The following KMT2B variants were observed in gnomAD, a reference collection of about 807,000 sequenced individuals.
The protein encoded by KMT2B is lysine methyltransferase 2B, also known as histone-lysine N-methyltransferase 2B.
KMT2B carries 22 observed loss-of-function variants against 255.3 expected under a neutral mutation model. The ratio of observed to expected loss-of-function variants is 0.09; its 90% CI spans 0.06 to 0.12. The LOEUF (loss-of-function observed/expected upper bound fraction) is 0.12, where lower values mean the gene tolerates loss of function less well. Among genes scored for constraint, KMT2B ranks in the 10% least tolerant of loss-of-function variants. The pLI is 1.00. For synonymous variants in KMT2B, 1,730 were observed against 1,498.1 expected (o/e 1.15, Z -3.57); for missense variants, 3,149 against 3,737.0 (o/e 0.84, Z 4.10).
At position 35,726,223 on chromosome 19, in the gene KMT2B, C is replaced by T. The variant is rs768714754; in HGVS notation, c.3886-13C>T. 20 of 1,607,280 alleles carry T rather than the reference C, an allele frequency of 1.2e-5. No homozygotes were observed. The highest frequency in any genetic ancestry group is 3.3e-5 in the Admixed American group (2 of 59,984). Reference sequence around the variant, plus strand: ...GTGCCTGGTTTTCCCCTAACATCGCCCTGCTCCCCCAGATCTGTTCAGCCT... The same window carrying T: ...GTGCCTGGTTTTCCCCTAACATCGCTCTGCTCCCCCAGATCTGTTCAGCCT... On this transcript the variant is annotated splice_polypyrimidine_tract_variant and intron_variant, in intron 13 of 36. Coordinates refer to ENST00000420124, the MANE Select transcript of KMT2B (RefSeq NM_014727.3).
chr19:35,724,024 G>C lies in KMT2B; in HGVS notation c.3334+17G>C, dbSNP rs754157515. 16 of 1,560,368 alleles carry C rather than the reference G, an allele frequency of 1.0e-5. No individual in the cohort carries two copies. The highest frequency in any genetic ancestry group is 1.3e-5 in the Non-Finnish European group (15 of 1,152,406). On this transcript the variant is annotated intron_variant, in intron 8 of 36. Transcript: ENST00000420124. ...GAGAAAATGGTGCGAACTGCTTAAT[G>C]CTTTCTCTGTTGATCATTTATTTGG...
Position 35,730,452 on chromosome 19 carries a change from C to T in KMT2B, c.5187C>T (p.Asn1729=), listed in dbSNP as rs34980546. The T allele has an allele frequency of 7.2e-4, 1,163 of 1,613,858 alleles. 4 individuals are homozygous for T. In the African/African-American group the frequency reaches 0.014, roughly 20 times the overall value. The change falls in exon 24 of 37, where the codon AAC becomes AAT. Residue 1729 remains asparagine (N), a synonymous_variant. Coordinates refer to ENST00000420124, the MANE Select transcript of KMT2B (RefSeq NM_014727.3). ...CGGGGCTTGAACCCGATGCCATCAA[C>T]GTGCTCATTGGTAAGCTGCCTGCTC... ...FLTGLEPDAI[N]VLIGSIRIDS... is the part of the protein sequence containing the mutation.
chr19:35,724,585 G>A, intron 8 of KMT2B, 52 bp from the exon 9 acceptor site: 1 of 1,433,036 alleles, frequency 7.0e-7, no homozygotes, highest in Non-Finnish European at 9.6e-7. Context: ...GGTTGTAGAA[G>A]AAGAGGGGCG....
At chr19:35,722,504 C>A (rs748906602) in intron 4 of KMT2B, 32 bp downstream of exon 4, 8 of 1,600,912 alleles carry the variant, frequency 5.0e-6, no homozygotes, top group South Asian at 2.2e-5. Flanking sequence ...CTGAAGAAGA[C>A]TGGCGGGAGG....
Position 35,732,477 on chromosome 19 carries a change from C to T in KMT2B, c.5928C>T (p.Asp1976=). The part of the protein sequence containing the change: ...SPPPPEDLGP[D]FEDMEVVSGL... ...CACCCCCTGAAGACCTGGGCCCAGA[C>T]TTCGAGGACATGGAGGTGGTGTCAG... Residue 1976 remains aspartate (D), a synonymous_variant, in exon 28 of 37, where the codon GAC becomes GAT. Coordinates refer to ENST00000420124, the MANE Select transcript of KMT2B (RefSeq NM_014727.3). 1 of 1,613,940 alleles carries T rather than the reference C, an allele frequency of 6.2e-7. No homozygotes were observed. Among genetic ancestry groups the T allele is most frequent in the Non-Finnish European group, 8.5e-7 (1 of 1,179,854 alleles).
intron 14 of KMT2B, 94 bp downstream of exon 14, chr19:35,726,447 C>G (rs973202303): frequency 1.2e-6 from 1 of 812,824 alleles, no homozygotes; most frequent in Non-Finnish European, 2.1e-6. Context: ...TTTCTCATGG[C>G]TTTCCACCTT....
chr19:35,726,421 T>G, intron 14 of KMT2B, 68 bp downstream of exon 14: 1 of 1,030,524 alleles, frequency 9.7e-7, no homozygotes, highest in Non-Finnish European at 1.5e-6. Context: ...TTTACAGGCT[T>G]TAGCACAGAC....
Position 35,732,647 on chromosome 19 carries a change from G to A in KMT2B, c.6098G>A (p.Arg2033His), listed in dbSNP as rs758388100. ...SSEEESSPTS[R>H]YIHFPVTVVS... ...GAGGAGGAGTCCAGCCCCACCTCCC[G>A]CTACATCCACTTCCCTGTGACTGTG... The change falls in exon 28 of 37, where the codon CGC becomes CAC. Residue 2033 changes from arginine to histidine, a missense_variant. Physicochemically the swap from Arg to His is conservative, Grantham distance 29 (BLOSUM62 0). Transcript: ENST00000420124. The A allele has an allele frequency of 3.4e-5, 54 of 1,610,156 alleles. No individual in the cohort carries two copies. Among genetic ancestry groups the A allele is most frequent in the Middle Eastern group, 1.6e-4 (1 of 6,078 alleles).
In KMT2B at chr19:35,733,701, C is replaced by T. The variant is rs778375801; in HGVS notation, c.7049+15C>T. 4.4e-6 allele frequency: 7 copies of T among 1,605,278 alleles called. No individual in the cohort carries two copies. Among genetic ancestry groups the T allele is most frequent in the African/African-American group, 4.0e-5 (3 of 74,578 alleles). ...GAAAGTCCTGGGTGAGTGGCCAGGC[C>T]CCTCTCCCTGGAGGGTCTGGGACCT... On this transcript the variant is annotated intron_variant, in intron 29 of 36. Coordinates refer to ENST00000420124, the MANE Select transcript of KMT2B (RefSeq NM_014727.3). This position sits in a 1 kb window ranked among gnomAD's most constrained non-coding sequence, Gnocchi z 4.3.
intron 22 of KMT2B, 55 bp downstream of exon 22, chr19:35,729,351 CT>C: frequency 1.3e-6 from 2 of 1,544,412 alleles, no homozygotes; most frequent in Admixed American, 3.9e-5. Flanking sequence ...GGGAGGCCTC[CT>C]CCGGTGCAAA....
At chr19:35,724,927 G>C in intron 9 of KMT2B, 62 bp from the exon 10 acceptor site, 1 of 1,278,704 alleles carries the variant, frequency 7.8e-7, no homozygotes, top group Non-Finnish European at 1.1e-6. Context: ...AAGGCGGTGA[G>C]GAGAGGAGTC....
rs1181254969 is a variant in KMT2B at position 35,724,661 on chromosome 19, A to T, written c.3359A>T (p.Glu1120Val). The change falls in exon 9 of 37, where the codon GAG (glutamate) becomes GTG (valine). Residue 1120 changes from glutamate to valine, a missense_variant. Glu to Val is a moderately radical substitution (Grantham distance 121, BLOSUM62 -2). Around this residue, in one of 18 missense-constraint regions of KMT2B, gnomAD observed 136 missense variants for 137.3 expected, o/e 0.99. Transcript: ENST00000420124. Reference sequence around the variant, plus strand: ...GAGCTGCCACTGCCAGAACCTGAGGAGCAGAGCCGGCCCCGCAAACCTACC... The same window carrying T: ...GAGCTGCCACTGCCAGAACCTGAGGTGCAGAGCCGGCCCCGCAAACCTACC... ...ENELPLPEPE[E>V]QSRPRKPTLQ... The T allele has an allele frequency of 6.2e-7, 1 of 1,600,782 alleles. No individual in the cohort carries two copies. Among genetic ancestry groups the T allele is most frequent in the Admixed American group, 1.7e-5 (1 of 58,306 alleles).
chr19:35,718,551 TG>T lies in KMT2B; in HGVS notation c.363+172del, dbSNP rs1485264146. On this transcript the variant is annotated intron_variant, in intron 1 of 36. Coordinates refer to ENST00000420124, the MANE Select transcript of KMT2B (RefSeq NM_014727.3). This position sits in a 1 kb window ranked among gnomAD's most constrained non-coding sequence, Gnocchi z 5.0. ...TGCAGCTTCCGGGGGAAAGGGCCTC[TG>T]GAAGTGGGTAGAGAAGCCCCGGCTG... 6.6e-6 allele frequency among the ~76,000 whole-genome samples: 1 copy of T among 152,124 alleles called. No homozygotes were observed. Among genetic ancestry groups the T allele is most frequent in the African/African-American group, 2.4e-5 (1 of 41,428 alleles).
rs766819813 is a variant in KMT2B at position 35,724,645 on chromosome 19, C to T, written c.3343C>T (p.Leu1115=). ...RRTPRENELP[L]PEPEEQSRPR... Reference sequence around the variant, plus strand: ...CATTGTGTCCTGCCTAGAGCTGCCACTGCCAGAACCTGAGGAGCAGAGCCG... The same window carrying T: ...CATTGTGTCCTGCCTAGAGCTGCCATTGCCAGAACCTGAGGAGCAGAGCCG... The change falls in exon 9 of 37, where the codon CTG becomes TTG. Residue 1115 remains leucine, a synonymous_variant. Transcript: ENST00000420124. 7.5e-6 allele frequency: 12 copies of T among 1,597,658 alleles called. No homozygotes were observed. Among genetic ancestry groups the T allele is most frequent in the Non-Finnish European group, 1.0e-5 (12 of 1,172,514 alleles).
rs200100228 is a variant in KMT2B at position 35,724,973 on chromosome 19, C to T, written c.3430-16C>T. On this transcript the variant is annotated splice_polypyrimidine_tract_variant and intron_variant, in intron 9 of 36. Coordinates refer to ENST00000420124, the MANE Select transcript of KMT2B (RefSeq NM_014727.3). Reference sequence around the variant, plus strand: ...CCAGGCTGGCAGCTCTGAATTCCCCCACCTTTCCTCCCCAGGATGCTTTGG... The same window carrying T: ...CCAGGCTGGCAGCTCTGAATTCCCCTACCTTTCCTCCCCAGGATGCTTTGG... 459 of 1,577,510 alleles carry T rather than the reference C, an allele frequency of 2.9e-4. No individual in the cohort carries two copies. Among genetic ancestry groups the T allele is most frequent in the Admixed American group, 6.3e-4 (38 of 59,962 alleles).
Position 35,720,162 on chromosome 19 carries a change from C to A in KMT2B, c.815C>A (p.Pro272His), listed in dbSNP as rs1465192971. The change falls in exon 3 of 37, where the codon CCC becomes CAC. Residue 272 changes from proline to histidine, a missense_variant. Transcript: ENST00000420124. Reference sequence around the variant, plus strand: ...GGCAGCTGGAAATGCAAGGAGGGGCCCGGTCCAGGACCTGGGACCCCCAGG... The same window carrying A: ...GGCAGCTGGAAATGCAAGGAGGGGCACGGTCCAGGACCTGGGACCCCCAGG... ...QTGSWKCKEG[P>H]GPGPGTPRRG... 1 of 1,602,140 alleles carries A rather than the reference C, an allele frequency of 6.2e-7. No individual in the cohort carries two copies.
Position 35,723,670 on chromosome 19 carries a change from C to A in KMT2B, c.3059-62C>A. On this transcript the variant is annotated intron_variant, in intron 7 of 36. Transcript: ENST00000420124. This position sits in a 1 kb window ranked among gnomAD's most constrained non-coding sequence, Gnocchi z 7.5. ...TCCCTGCCCCGCTTCTTTCTGGCTT[C>A]TCTCCCAGTGTCCCATGTCCCTGGC... 1 of 1,433,396 alleles carries A rather than the reference C, an allele frequency of 7.0e-7. No individual in the cohort carries two copies. The highest frequency in any genetic ancestry group is 9.4e-7 in the Non-Finnish European group (1 of 1,062,834). 88.8% of individuals were successfully genotyped at this position (1,433,396 alleles called of 1,614,324 possible). A position where few individuals can be genotyped will look rare whatever the true frequency, so the allele number is the denominator to read the frequency against.
chr19:35,734,597 T>C (rs1191915118), intron 30 of KMT2B, among the ~76,000 whole-genome samples: 1 of 152,102 alleles, frequency 6.6e-6, no homozygotes, highest in Non-Finnish European at 1.5e-5. Context: ...TTTGAACTGG[T>C]GACCTCTGAG....
At position 35,738,226 on chromosome 19, in the gene KMT2B, G is replaced by A; in HGVS notation, c.7872+35G>A. The A allele has an allele frequency of 6.2e-7, 1 of 1,613,510 alleles. No homozygotes were observed. The highest frequency in any genetic ancestry group is 8.5e-7 in the Non-Finnish European group (1 of 1,179,658). On this transcript the variant is annotated intron_variant, in intron 36 of 36. Transcript: ENST00000420124. This position sits in a 1 kb window ranked among gnomAD's most constrained non-coding sequence, Gnocchi z 8.7. ...CAGTGGCTGTGGGAAGACAGTGGGT[G>A]AAGCGAGCCTGTCCGCGGGGACAGA... is the stretch of plus-strand genomic sequence containing the variant.
Sources: gnomAD v4.1 joint callset for allele counts (sites outside exome capture counted in the v4.1 genomes callset) on GRCh38, gnomAD v4.1.1 for gene constraint, gnomAD v4.1.1 regional missense constraint, Gnocchi (gnomAD v3.1) non-coding constraint, MANE v1.5 for transcripts, NCBI Gene and HGNC (gene_info 2026-07-23, HGNC 2026-07-21) for gene names.